DMXL1: variants seen among roughly 807,000 people sequenced by gnomAD.
DMXL1 encodes the protein dmX-like protein 1.
A neutral mutation model predicts 319.2 loss-of-function variants in DMXL1; 99 were observed. That is an observed-to-expected ratio of 0.31 (90% CI 0.26 to 0.37). DMXL1 has a LOEUF of 0.37. Among genes scored for constraint, DMXL1 ranks in the 10% least tolerant of loss-of-function variants. The probability of loss-of-function intolerance (pLI) is 1.00; values close to 1 mark genes in which losing one functional copy is unlikely to be tolerated. For synonymous variants in DMXL1, 1,385 were observed against 1,235.2 expected, an observed-to-expected ratio of 1.12 and a Z score of -2.54; for missense variants, 3,745 against 3,595.6, an observed-to-expected ratio of 1.04 and a Z score of -1.06.
At position 119,091,659 on chromosome 5, in the gene DMXL1, G is replaced by A. The variant is rs1754822725; in HGVS notation, c.88-6320G>A. Among the ~76,000 whole-genome samples the A allele has an allele frequency of 2.0e-5, 3 of 152,164 alleles. No individual in the cohort carries two copies. The South Asian group carries it at 6.2e-4, about 32-fold the overall frequency. ...TGCCCCTTTTTAGGCTCCAGGTGTT[G>A]CCTTAAGTCCAGGTTCACCTTGGCT... On this transcript the variant is annotated intron_variant, in intron 1 of 43. Transcript: ENST00000539542.
At chr5:119,178,304 A>C (rs1581176326) in intron 28 of DMXL1, 60 bp downstream of exon 28, 1 of 1,521,664 alleles carries the variant, frequency 6.6e-7, no homozygotes, top group East Asian at 2.3e-5. Context: ...TATCATTCTC[A>C]AACGTAATTA....
At chr5:119,242,197 AT>A (rs1332296409) in intron 42 of DMXL1, among the ~76,000 whole-genome samples, 1 of 152,162 alleles carries the variant, frequency 6.6e-6, no homozygotes, top group Non-Finnish European at 1.5e-5. Flanking sequence ...TTTTCAAATT[AT>A]CTCAAATCTT....
At chr5:119,205,209 G>T (rs1473524156) in intron 33 of DMXL1, among the ~76,000 whole-genome samples, 1 of 151,794 alleles carries the variant, frequency 6.6e-6, no homozygotes, top group African/African-American at 2.4e-5. Flanking sequence ...TTTTTCTACT[G>T]CCGATATATT....
chr5:119,227,023 C>T (rs1785708842), intron 38 of DMXL1, among the ~76,000 whole-genome samples: 1 of 152,112 alleles, frequency 6.6e-6, no homozygotes, highest in African/African-American at 2.4e-5. Flanking sequence ...TCTCCAGCTC[C>T]CTTTCCCACC....
chr5:119,134,292 C>G lies in DMXL1; in HGVS notation c.2279C>G (p.Ala760Gly). 2 of 1,613,714 alleles carry G rather than the reference C, an allele frequency of 1.2e-6. No individual in the cohort carries two copies. Among genetic ancestry groups the G allele is most frequent in the Non-Finnish European group, 1.7e-6 (2 of 1,179,900 alleles). The part of the protein sequence containing the change: ...CLGAYCNSPS[A>G]CFVASDGQYL... ...GGTGCATACTGCAACTCTCCTAGTG[C>G]ATGCTTTGTAGCCAGTGATGGACAA... The change falls in exon 13 of 44, where the codon GCA becomes GGA. Residue 760 changes from alanine (A) to glycine (G), a missense_variant. Physicochemically the swap from Ala to Gly is moderately conservative, Grantham distance 60. This residue lies in a region of DMXL1 where 2,096 missense variants were observed against 1,985.4 expected (regional missense o/e 1.06). Transcript: ENST00000539542.
chr5:119,195,135 G>C (rs1450576640), intron 30 of DMXL1, among the ~76,000 whole-genome samples: 6 of 152,024 alleles, frequency 3.9e-5, no homozygotes, highest in African/African-American at 1.4e-4. Flanking sequence ...GAATCTTTGT[G>C]CACTTTTGGT....
intron 28 of DMXL1, among the ~76,000 whole-genome samples, chr5:119,179,574 TTGAA>T (rs1000361269): frequency 2.4e-4 from 36 of 152,198 alleles, no homozygotes; most frequent in African/African-American, 8.2e-4. Flanking sequence ...TGAATATTCT[TTGAA>T]TGAAGCTATA....
In DMXL1 at chr5:119,147,303, A is replaced by C. The variant is rs1041074211; in HGVS notation, c.2744A>C (p.Tyr915Ser). 1.6e-5 allele frequency: 26 copies of C among 1,613,440 alleles called. No homozygotes were observed. Among genetic ancestry groups the C allele is most frequent in the Admixed American group, 1.3e-4 (8 of 59,892 alleles). Reference sequence around the variant, plus strand: ...GCGGTTTGGCAGCCAGAAGAACATTATTCTTCTTCTCCAGAGAAGATCCTA... The same window carrying C: ...GCGGTTTGGCAGCCAGAAGAACATTCTTCTTCTTCTCCAGAGAAGATCCTA... ...SEAVWQPEEHYSSSPEKILSP... is the reference protein window; with the variant it reads ...SEAVWQPEEHSSSSPEKILSP... The change falls in exon 17 of 44, where the codon TAT (tyrosine) becomes TCT (serine). Residue 915 changes from tyrosine (Y) to serine (S), a missense_variant. By Grantham distance (144) the Tyr-to-Ser change is moderately radical. Transcript: ENST00000539542.
chr5:119,239,248 C>G (rs536462520), intron 41 of DMXL1, among the ~76,000 whole-genome samples, 168 bp downstream of exon 41: 1 of 152,260 alleles, frequency 6.6e-6, no homozygotes, highest in South Asian at 2.1e-4. Flanking sequence ...CCCCCAAAAG[C>G]TGTGGTTGTA....
At chr5:119,107,085 T>A (rs564021276) in intron 4 of DMXL1, among the ~76,000 whole-genome samples, 1 of 152,098 alleles carries the variant, frequency 6.6e-6, no homozygotes, top group East Asian at 1.9e-4. Flanking sequence ...ACCTGTAATA[T>A]CAGCACTTTA....
At chr5:119,123,105 G>C (rs970568307) in intron 9 of DMXL1, among the ~76,000 whole-genome samples, 13 of 152,088 alleles carry the variant, frequency 8.5e-5, no homozygotes, top group Non-Finnish European at 1.9e-4. Context: ...GCTGGAGACC[G>C]GCCCGGCCAA....
intron 8 of DMXL1, 98 bp downstream of exon 8, chr5:119,119,102 G>A: frequency 2.6e-6 from 2 of 757,424 alleles, no homozygotes; most frequent in East Asian, 3.1e-5. Context: ...CTATATCCTA[G>A]GAAAATAATT....
In DMXL1 at chr5:119,126,878, C is replaced by G. The variant is rs184176270; in HGVS notation, c.1103-2333C>G. The G allele has an allele frequency of 3.2e-3, 525 of 164,582 alleles. 4 individuals are homozygous for G. Among genetic ancestry groups the G allele is most frequent in the African/African-American group, 0.012 (493 of 41,568 alleles). The allele number at this position is 164,582 out of a possible 1,614,324, so 10.2% of individuals were successfully genotyped here. A position where few individuals can be genotyped will look rare whatever the true frequency, so the allele number is the denominator to read the frequency against. Reference sequence around the variant, plus strand: ...TTCTCAAACTGGTGACGTTTTTCCTCTAATTCTTTGTGCTGTGCTTAAATT... The same window carrying G: ...TTCTCAAACTGGTGACGTTTTTCCTGTAATTCTTTGTGCTGTGCTTAAATT... On this transcript the variant is annotated intron_variant, in intron 9 of 43. Coordinates refer to ENST00000539542, the MANE Select transcript of DMXL1 (RefSeq NM_001290321.3).
chr5:119,177,506 C>A, intron 27 of DMXL1, 22 bp downstream of exon 27: 1 of 1,569,788 alleles, frequency 6.4e-7, no homozygotes, highest in Non-Finnish European at 8.6e-7. Flanking sequence ...ATGTATAGAT[C>A]AGTTTTTTCT....
chr5:119,173,688 G>GTGTATATATATA (rs1775078021), intron 25 of DMXL1, among the ~76,000 whole-genome samples: 1 of 113,086 alleles, frequency 8.8e-6, no homozygotes, highest in Non-Finnish European at 1.9e-5. Context: ...GTGTGTGTGT[G>GTGTATATATATA]TGTGTGTGTG....
rs573949999 is a variant in DMXL1 at position 119,201,521 on chromosome 5, A to C, written c.7746-1798A>C. Among the ~76,000 whole-genome samples, 16 of 151,972 alleles carry C rather than the reference A, an allele frequency of 1.1e-4. No homozygotes were observed. The South Asian group carries it at 3.3e-3, about 32-fold the overall frequency. On this transcript the variant is annotated intron_variant, in intron 32 of 43. Transcript: ENST00000539542. ...GACATTCATCAAGGATATTGGCTTG[A>C]AGTTTTGTTTTTTTTGTTGTTACTT...
chr5:119,094,122 G>A (rs1196571324), intron 1 of DMXL1, among the ~76,000 whole-genome samples: 1 of 152,238 alleles, frequency 6.6e-6, no homozygotes, highest in African/African-American at 2.4e-5. Flanking sequence ...TGAAAGAACA[G>A]ATTTTAAAGC....
intron 9 of DMXL1, among the ~76,000 whole-genome samples, chr5:119,125,925 G>A (rs1763453230): frequency 6.6e-6 from 1 of 152,118 alleles, no homozygotes; most frequent in Non-Finnish European, 1.5e-5. Flanking sequence ...TGTATGTACT[G>A]TAAGCATATA....
At chr5:119,209,887 G>A (rs541593280) in intron 34 of DMXL1, among the ~76,000 whole-genome samples, 1 of 152,260 alleles carries the variant, frequency 6.6e-6, no homozygotes, top group East Asian at 1.9e-4. Context: ...CTGGATAAAA[G>A]TAATTTATCA....
Sources: allele counts gnomAD v4.1 joint callset (sites outside exome capture counted in the v4.1 genomes callset), GRCh38; gene constraint gnomAD v4.1.1; regional missense constraint gnomAD v4.1.1; transcripts MANE v1.5; gene names NCBI Gene and HGNC (gene_info 2026-07-23, HGNC 2026-07-21).